MARCHF7: variants seen among roughly 807,000 people sequenced by gnomAD.
MARCHF7 encodes E3 ubiquitin-protein ligase MARCHF7.
MARCHF7 carries 20 observed loss-of-function variants against 76.5 expected under a neutral mutation model. The ratio of observed to expected loss-of-function variants is 0.26; its 90% CI spans 0.18 to 0.38. The LOEUF (loss-of-function observed/expected upper bound fraction) is 0.38. Among genes scored for constraint, MARCHF7 ranks in the 10% least tolerant of loss-of-function variants. The pLI is 1.00. For synonymous variants in MARCHF7, 295 were observed against 293.0 expected (o/e 1.01, Z -0.07); for missense variants, 797 against 812.9 (o/e 0.98, Z 0.24).
At chr2:159,734,769 C>T (rs890716254) in intron 4 of MARCHF7, among the ~76,000 whole-genome samples, 1 of 143,500 alleles carries the variant, frequency 7.0e-6, no homozygotes, top group Admixed American at 7.3e-5. Flanking sequence ...GCCAGGAGTT[C>T]GAGACCAGTC....
Position 159,752,437 on chromosome 2 carries a change from A to G in MARCHF7, c.1649A>G (p.Asp550Gly), listed in dbSNP as rs1451434205. Reference sequence around the variant, plus strand: ...GAGGACTCAGAAGAAGAAGAAGGTGACTTATGTAGAATTTGTCAAATGGCA... The same window carrying G: ...GAGGACTCAGAAGAAGAAGAAGGTGGCTTATGTAGAATTTGTCAAATGGCA... The part of the protein sequence containing the change: ...LLEDSEEEEG[D>G]LCRICQMAAA... The change falls in exon 8 of 12, where the codon GAC (aspartate) becomes GGC (glycine). Residue 550 changes from aspartate to glycine, a missense_variant. Asp to Gly is a moderately conservative substitution (Grantham distance 94). Around this residue, in one of 3 missense-constraint regions of MARCHF7, gnomAD observed 643 missense variants for 631.5 expected, o/e 1.02. Transcript: ENST00000409175. 1 of 1,601,760 alleles carries G rather than the reference A, an allele frequency of 6.2e-7. No individual in the cohort carries two copies. Among genetic ancestry groups the G allele is most frequent in the African/African-American group, 1.3e-5 (1 of 74,270 alleles).
Position 159,733,614 on chromosome 2 carries a change from G to T in MARCHF7, c.153+4439G>T. 10 of 984,778 alleles carry T rather than the reference G, an allele frequency of 1.0e-5. No individual in the cohort carries two copies. In the South Asian group the frequency reaches 3.8e-4, roughly 37 times the overall value. The allele number at this position is 984,778 out of a possible 1,614,324, so 61.0% of individuals were successfully genotyped here. A position where few individuals can be genotyped will look rare whatever the true frequency, so the allele number is the denominator to read the frequency against. ...CAACTCTTGGAGACATAAAACTTCT[G>T]TTATCTCAGGCACTTGGTAAATCTG... On this transcript the variant is annotated intron_variant, in intron 4 of 11. Coordinates refer to ENST00000409175, the MANE Select transcript of MARCHF7 (RefSeq NM_001282805.2).
chr2:159,717,681 A>G (rs1701190280), intron 3 of MARCHF7, among the ~76,000 whole-genome samples: 1 of 152,228 alleles, frequency 6.6e-6, no homozygotes, highest in African/African-American at 2.4e-5. Context: ...TCTGTAATAC[A>G]AGTTATTTTA....
At chr2:159,758,822 T>A (rs1297737847) in intron 8 of MARCHF7, among the ~76,000 whole-genome samples, 1 of 152,236 alleles carries the variant, frequency 6.6e-6, no homozygotes, top group Non-Finnish European at 1.5e-5. Context: ...AGATACTGGC[T>A]TGGGTGTGTA....
At chr2:159,750,186 A>G (rs1039968315) in intron 7 of MARCHF7, among the ~76,000 whole-genome samples, 8 of 152,224 alleles carry the variant, frequency 5.3e-5, no homozygotes, top group Non-Finnish European at 1.0e-4. Context: ...AATTACAGGC[A>G]TGAGCCACCA....
chr2:159,746,628 T>C (rs901773206), intron 6 of MARCHF7, among the ~76,000 whole-genome samples: 2 of 152,212 alleles, frequency 1.3e-5, no homozygotes, highest in Non-Finnish European at 2.9e-5. Context: ...CTTGAACTCC[T>C]GACCTCAGGT....
At position 159,754,264 on chromosome 2, in the gene MARCHF7, TAGGA is replaced by T. The variant is rs1451670170; in HGVS notation, c.1783+1700_1783+1703del. On this transcript the variant is annotated intron_variant, in intron 8 of 11. Coordinates refer to ENST00000409175, the MANE Select transcript of MARCHF7 (RefSeq NM_001282805.2). The stretch of plus-strand genomic sequence containing the variant: ...AGAGGAGATTTGAAAAAGCAGCCTT[TAGGA>T]AGGAAGAAAACCAAGAAAATGTGTT... Among the ~76,000 whole-genome samples, 4 of 152,196 alleles carry T rather than the reference TAGGA, an allele frequency of 2.6e-5. No homozygotes were observed. In the East Asian group the frequency reaches 7.7e-4, roughly 29 times the overall value.
At chr2:159,725,673 A>C (rs6761145) in intron 3 of MARCHF7, among the ~76,000 whole-genome samples, 52,457 of 151,908 alleles carry the variant, frequency 0.35, 9,256 homozygotes, top group South Asian at 0.44. Context: ...CTTTCCCCCA[A>C]ATTTTCCTCT....
At chr2:159,730,346 A>G (rs1452263915) in intron 4 of MARCHF7, among the ~76,000 whole-genome samples, 1 of 152,214 alleles carries the variant, frequency 6.6e-6, no homozygotes, top group East Asian at 1.9e-4. Flanking sequence ...TCTTTGTGTT[A>G]AGTATTTATA....
chr2:159,719,592 A>G (rs1391630110), intron 3 of MARCHF7, among the ~76,000 whole-genome samples: 1 of 152,030 alleles, frequency 6.6e-6, no homozygotes, highest in Admixed American at 6.6e-5. Flanking sequence ...TCCTAATACT[A>G]ATTTAGTTTG....
At chr2:159,749,980 G>A (rs1705425330) in intron 7 of MARCHF7, among the ~76,000 whole-genome samples, 1 of 152,104 alleles carries the variant, frequency 6.6e-6, no homozygotes. Context: ...TTTGGAATTT[G>A]ATGCACAAAA....
At chr2:159,727,645 A>G (rs770461339) in intron 3 of MARCHF7, among the ~76,000 whole-genome samples, 1 of 152,174 alleles carries the variant, frequency 6.6e-6, no homozygotes, top group African/African-American at 2.4e-5. Flanking sequence ...CACTGTTACA[A>G]CTCCCAAGTG....
At chr2:159,734,464 A>G (rs1266205032) in intron 4 of MARCHF7, among the ~76,000 whole-genome samples, 1 of 152,200 alleles carries the variant, frequency 6.6e-6, no homozygotes, top group Non-Finnish European at 1.5e-5. Context: ...ATAGATGCAT[A>G]TACAATTAAA....
In MARCHF7 at chr2:159,769,942, C is replaced by T. The variant is rs560981435; in HGVS notation, c.*2600C>T. 8 of 152,092 alleles carry T rather than the reference C, an allele frequency of 5.3e-5. No individual in the cohort carries two copies. Among genetic ancestry groups the T allele is most frequent in the African/African-American group, 1.2e-4 (5 of 41,400 alleles). The allele number at this position is 152,092 out of a possible 1,614,324, so 9.4% of individuals were successfully genotyped here. On this transcript the variant is annotated 3_prime_UTR_variant, in exon 12 of 12. Coordinates refer to ENST00000409175, the MANE Select transcript of MARCHF7 (RefSeq NM_001282805.2). ...ACTTGACAATGTGGCTAATGTAATTCGAAAACTGGATTTTAAACTAAATTT... is the reference window on the plus strand; with the variant it reads ...ACTTGACAATGTGGCTAATGTAATTTGAAAACTGGATTTTAAACTAAATTT...
chr2:159,766,570 G>T (rs975875129), intron 11 of MARCHF7, among the ~76,000 whole-genome samples: 1 of 152,092 alleles, frequency 6.6e-6, no homozygotes, highest in African/African-American at 2.4e-5. Context: ...CACTTACTAT[G>T]TCTTTCCTAA....
intron 3 of MARCHF7, among the ~76,000 whole-genome samples, chr2:159,716,888 C>A (rs564662654): frequency 6.6e-6 from 1 of 152,154 alleles, no homozygotes; most frequent in Non-Finnish European, 1.5e-5. Flanking sequence ...TCTATGGCTG[C>A]ATAACAAACC....
intron 3 of MARCHF7, among the ~76,000 whole-genome samples, chr2:159,721,407 G>GT (rs889065407): frequency 1.3e-5 from 2 of 152,116 alleles, no homozygotes; most frequent in Admixed American, 6.5e-5. Context: ...ATGAATACAG[G>GT]TTTTTTACTC....
rs3732289 is a variant in MARCHF7 at position 159,728,887 on chromosome 2, G to A, written c.-14-122G>A. ...AAGTGGTGATCATTTCACAATTTACGTTGTCAGATATGGTTAATTTGTATG... is the reference window on the plus strand; with the variant it reads ...AAGTGGTGATCATTTCACAATTTACATTGTCAGATATGGTTAATTTGTATG... On this transcript the variant is annotated intron_variant, in intron 3 of 11. Transcript: ENST00000409175. The A allele has an allele frequency of 2.6e-5, 13 of 505,780 alleles. No individual in the cohort carries two copies. The South Asian group carries it at 2.8e-4, about 11-fold the overall frequency. 31.3% of individuals were successfully genotyped at this position (505,780 alleles called of 1,614,324 possible). A position where few individuals can be genotyped will look rare whatever the true frequency, so the allele number is the denominator to read the frequency against.
chr2:159,740,350 G>T (rs542257508), intron 4 of MARCHF7, among the ~76,000 whole-genome samples: 1 of 152,140 alleles, frequency 6.6e-6, no homozygotes, highest in Non-Finnish European at 1.5e-5. Context: ...TATGGAGTTT[G>T]TACAAATGTA....
Sources: gnomAD v4.1 joint callset for allele counts (sites outside exome capture counted in the v4.1 genomes callset) on GRCh38, gnomAD v4.1.1 for gene constraint, gnomAD v4.1.1 regional missense constraint, MANE v1.5 for transcripts, NCBI Gene and HGNC (gene_info 2026-07-23, HGNC 2026-07-21) for gene names.